Variants in CDH20 observed in about 807,000 individuals in gnomAD.
CDH20 encodes the protein cadherin 20.
CDH20 carries 29 observed loss-of-function variants against 74.2 expected under a neutral mutation model. The observed-to-expected ratio is 0.39, with a 90% CI of 0.29 to 0.53. CDH20 has a LOEUF of 0.53. CDH20 is among the 20% of genes least tolerant of loss of function. The probability of loss-of-function intolerance (pLI) is 0.69; values close to 1 mark genes in which losing one functional copy is unlikely to be tolerated. For missense variants in CDH20, 988 were observed against 1,048.3 expected (o/e 0.94, Z 0.79); for synonymous variants, 469 against 405.4 (o/e 1.16, Z -1.88).
chr18:61,479,651 T>C (rs1206281772), intron 1 of CDH20, among the ~76,000 whole-genome samples: 1 of 96,438 alleles, frequency 1.0e-5, no homozygotes, highest in Non-Finnish European at 2.2e-5. Context: ...CTTCTCTATG[T>C]GTGTGTCACT....
At chr18:61,501,061 A>G (rs1163389750) in intron 4 of CDH20, among the ~76,000 whole-genome samples, 1 of 152,212 alleles carries the variant, frequency 6.6e-6, no homozygotes, top group Admixed American at 6.5e-5. Context: ...GAGAAGTCCA[A>G]AATGAATGGT....
chr18:61,380,905 A>G (rs79794743), intron 1 of CDH20, among the ~76,000 whole-genome samples: 5,356 of 152,288 alleles, frequency 0.035, 315 homozygotes, highest in African/African-American at 0.12. Context: ...AGTAATATAA[A>G]CGGCTTCTGA....
At chr18:61,469,034 C>T (rs888142770) in intron 1 of CDH20, among the ~76,000 whole-genome samples, 2 of 152,110 alleles carry the variant, frequency 1.3e-5, no homozygotes, top group Non-Finnish European at 2.9e-5. Flanking sequence ...TCATTACCTC[C>T]ACATTTGGAG....
intron 1 of CDH20, among the ~76,000 whole-genome samples, chr18:61,443,978 G>T (rs1458994499): frequency 2.6e-5 from 4 of 152,062 alleles, no homozygotes; most frequent in African/African-American, 9.7e-5. Flanking sequence ...CCAGTGCACA[G>T]TGTCGGCAGG....
intron 1 of CDH20, among the ~76,000 whole-genome samples, chr18:61,434,772 G>C (rs1016303152): frequency 1.3e-5 from 2 of 152,154 alleles, no homozygotes; most frequent in African/African-American, 4.8e-5. Flanking sequence ...TAAGGCTGAT[G>C]ATTAGTATTA....
At position 61,514,759 on chromosome 18, in the gene CDH20, G is replaced by A. The variant is rs571109151; in HGVS notation, c.1017+7199G>A. Among the ~76,000 whole-genome samples the A allele has an allele frequency of 2.6e-3, 394 of 151,638 alleles. 2 individuals carry two copies. The highest frequency in any genetic ancestry group is 0.013 in the South Asian group (63 of 4,784). On this transcript the variant is annotated intron_variant, in intron 6 of 11. Coordinates refer to ENST00000262717, the MANE Select transcript of CDH20 (RefSeq NM_031891.4). The stretch of plus-strand genomic sequence containing the variant: ...TGCAGGTCTGTTGGAATACCCTGCC[G>A]TGTGAGGTGTCAGTGTGCCTCTGCT...
chr18:61,538,067 A>G (rs1314034348), intron 8 of CDH20, among the ~76,000 whole-genome samples: 1 of 152,218 alleles, frequency 6.6e-6, no homozygotes. Flanking sequence ...ACAGCTCCCC[A>G]TGAGTGTCTA....
chr18:61,507,784 T>C (rs925207445), intron 6 of CDH20, among the ~76,000 whole-genome samples: 4 of 152,104 alleles, frequency 2.6e-5, no homozygotes, highest in African/African-American at 7.2e-5. Context: ...CAGGTCATGA[T>C]AAAAATATAT....
chr18:61,368,451 C>G (rs1171875567), intron 1 of CDH20, among the ~76,000 whole-genome samples: 5 of 150,902 alleles, frequency 3.3e-5, no homozygotes, highest in Non-Finnish European at 7.4e-5. Flanking sequence ...TGGGGGGCAA[C>G]AACTACTAAA....
Position 61,554,171 on chromosome 18 carries a change from T to G in CDH20, c.1901-19T>G, listed in dbSNP as rs1227899953. The G allele has an allele frequency of 6.3e-7, 1 of 1,597,402 alleles. No individual in the cohort carries two copies. The highest frequency in any genetic ancestry group is 2.2e-5 in the East Asian group (1 of 44,606). On this transcript the variant is annotated intron_variant, in intron 11 of 11. Coordinates refer to ENST00000262717, the MANE Select transcript of CDH20 (RefSeq NM_031891.4). ...CCACATCTCCTCGGTAAACACACTC[T>G]CCTTTTTGTTCCTGGCAGTGCTGGT...
rs368429600 is a variant in CDH20 at position 61,554,483 on chromosome 18, G to A, written c.2194G>A (p.Glu732Lys). The stretch of plus-strand genomic sequence containing the variant: ...CAGCTACGTGCTGGCCAAGCTCTAC[G>A]AGGCCGACATGGACCTGTGGGCACC... ...VHSYVLAKLYEADMDLWAPPF... is the reference protein window; with the variant it reads ...VHSYVLAKLYKADMDLWAPPF... The change falls in exon 12 of 12, where the codon GAG becomes AAG. Residue 732 changes from glutamate (E) to lysine (K), a missense_variant. Physicochemically the swap from Glu to Lys is moderately conservative, Grantham distance 56 (BLOSUM62 1). This residue lies in a region of CDH20 where 375 missense variants were observed against 293.1 expected (regional missense o/e 1.28). Coordinates refer to ENST00000262717, the MANE Select transcript of CDH20 (RefSeq NM_031891.4). 29 of 1,612,804 alleles carry A rather than the reference G, an allele frequency of 1.8e-5. No homozygotes were observed. Among genetic ancestry groups the A allele is most frequent in the Non-Finnish European group, 2.5e-5 (29 of 1,179,742 alleles).
intron 1 of CDH20, among the ~76,000 whole-genome samples, chr18:61,390,449 C>A (rs755350132): frequency 6.6e-6 from 1 of 152,056 alleles, no homozygotes; most frequent in Admixed American, 6.6e-5. Flanking sequence ...ACCAAACTTG[C>A]GACAGGATAT....
chr18:61,416,434 G>A (rs1449603997), intron 1 of CDH20, among the ~76,000 whole-genome samples: 1 of 152,196 alleles, frequency 6.6e-6, no homozygotes, highest in Non-Finnish European at 1.5e-5. Context: ...TCACAGAAAT[G>A]TAGTCCAGAG....
intron 6 of CDH20, among the ~76,000 whole-genome samples, chr18:61,519,330 C>T (rs1912110978): frequency 6.6e-6 from 1 of 151,094 alleles, no homozygotes; most frequent in African/African-American, 2.5e-5. Context: ...TCAGATTCAC[C>T]AAGGTTGAAA....
intron 1 of CDH20, among the ~76,000 whole-genome samples, chr18:61,436,367 C>T (rs555958835): frequency 2.6e-5 from 4 of 152,272 alleles, no homozygotes; most frequent in Admixed American, 2.6e-4. Context: ...TTTTACATTC[C>T]CATCAGCAGT....
intron 1 of CDH20, among the ~76,000 whole-genome samples, chr18:61,475,216 G>T (rs2144390979): frequency 6.6e-6 from 1 of 152,320 alleles, no homozygotes; most frequent in Middle Eastern, 3.4e-3. Context: ...AGGAAAGACA[G>T]ATCTGAGAAA....
chr18:61,515,726 AATGAG>A (rs1911977114), intron 6 of CDH20, among the ~76,000 whole-genome samples: 2 of 145,648 alleles, frequency 1.4e-5, no homozygotes, highest in African/African-American at 5.1e-5. Context: ...AGAATTGAAC[AATGAG>A]ATCACATGGA....
intron 1 of CDH20, among the ~76,000 whole-genome samples, chr18:61,411,298 T>C (rs757756399): frequency 1.3e-5 from 2 of 151,988 alleles, no homozygotes; most frequent in African/African-American, 2.4e-5. Context: ...ACTTCTACAA[T>C]GCTGGTGGGA....
At chr18:61,446,937 A>G (rs1195558791) in intron 1 of CDH20, among the ~76,000 whole-genome samples, 2 of 152,230 alleles carry the variant, frequency 1.3e-5, no homozygotes, top group African/African-American at 4.8e-5. Context: ...TGTTACATCC[A>G]CGAGAGCCAT....
Sources: gnomAD v4.1 joint callset for allele counts (sites outside exome capture counted in the v4.1 genomes callset) on GRCh38, gnomAD v4.1.1 for gene constraint, gnomAD v4.1.1 regional missense constraint, MANE v1.5 for transcripts, NCBI Gene and HGNC (gene_info 2026-07-23, HGNC 2026-07-21) for gene names.